CACNA2D1: variants seen among roughly 807,000 people sequenced by gnomAD.
The protein encoded by CACNA2D1 is voltage-dependent calcium channel subunit alpha-2/delta-1.
CACNA2D1 carries 53 observed loss-of-function variants against 171.5 expected under a neutral mutation model. The ratio of observed to expected loss-of-function variants is 0.31; its 90% CI spans 0.25 to 0.39. CACNA2D1 has a LOEUF of 0.39. Ranked by LOEUF, CACNA2D1 falls within the 10% of genes least tolerant of loss-of-function variation. The probability of loss-of-function intolerance (pLI) is 1.00; values close to 1 mark genes in which losing one functional copy is unlikely to be tolerated. For missense variants in CACNA2D1, 903 were observed against 1,299.8 expected (o/e 0.69, Z 4.69); for synonymous variants, 442 against 443.1 (o/e 1.00, Z 0.03).
At chr7:82,038,600 T>G (rs968709946) in intron 10 of CACNA2D1, among the ~76,000 whole-genome samples, 5 of 152,224 alleles carry the variant, frequency 3.3e-5, no homozygotes, top group African/African-American at 1.2e-4. Context: ...ATGCTTGCCC[T>G]GGTTGTGTGG....
At chr7:82,399,748 C>A (rs538341597) in intron 1 of CACNA2D1, among the ~76,000 whole-genome samples, 2 of 126,142 alleles carry the variant, frequency 1.6e-5, no homozygotes, top group South Asian at 5.6e-4. Context: ...AATTTTATAC[C>A]TTCCATCCCA....
chr7:82,162,780 C>G (rs1484305556), intron 4 of CACNA2D1, among the ~76,000 whole-genome samples: 1 of 151,960 alleles, frequency 6.6e-6, no homozygotes. Flanking sequence ...AATATTATCT[C>G]TCCATTGAAA....
At position 82,124,072 on chromosome 7, in the gene CACNA2D1, T is replaced by A. The variant is rs183405200; in HGVS notation, c.397-6899A>T. Among the ~76,000 whole-genome samples the A allele has an allele frequency of 1.2e-3, 177 of 152,256 alleles. 1 individual carries two copies. Among genetic ancestry groups the A allele is most frequent in the Non-Finnish European group, 1.9e-3 (130 of 68,012 alleles). ...AATTATGGATACAAAGCAATTAATA[T>A]TCTACCTGTATGCCATCCTATTCAA... On this transcript the variant is annotated intron_variant, in intron 5 of 38. Coordinates refer to ENST00000356860, the MANE Select transcript of CACNA2D1 (RefSeq NM_000722.4).
chr7:82,080,044 A>AAT (rs1809532617), intron 7 of CACNA2D1, among the ~76,000 whole-genome samples: 1 of 67,604 alleles, frequency 1.5e-5, no homozygotes, highest in South Asian at 4.8e-4. Context: ...TGGGGTTAAA[A>AAT]ATATATATGT....
chr7:81,961,238 C>A (rs918608946), intron 36 of CACNA2D1, among the ~76,000 whole-genome samples: 1 of 151,928 alleles, frequency 6.6e-6, no homozygotes, highest in Non-Finnish European at 1.5e-5. Context: ...ACTTTCCCCT[C>A]AAAATCCCCA....
At chr7:82,233,112 G>GGGTTAATTA (rs1039374611) in intron 3 of CACNA2D1, among the ~76,000 whole-genome samples, 74 of 152,086 alleles carry the variant, frequency 4.9e-4, no homozygotes, top group African/African-American at 1.4e-3. Flanking sequence ...TTCTGACTTT[G>GGGTTAATTA]GGTTAATTAT....
intron 24 of CACNA2D1, among the ~76,000 whole-genome samples, chr7:81,976,620 T>C (rs1795875243): frequency 6.6e-6 from 1 of 152,196 alleles, no homozygotes; most frequent in East Asian, 1.9e-4. Context: ...TTTGGGAGGC[T>C]GAGGCAGGCA....
intron 5 of CACNA2D1, among the ~76,000 whole-genome samples, chr7:82,123,192 A>T (rs1465585065): frequency 6.6e-6 from 1 of 152,204 alleles, no homozygotes; most frequent in Non-Finnish European, 1.5e-5. Flanking sequence ...CTTAGAAGAC[A>T]CTGAGTCTAG....
intron 3 of CACNA2D1, among the ~76,000 whole-genome samples, chr7:82,220,612 A>C (rs1801636705): frequency 6.6e-6 from 1 of 152,268 alleles, no homozygotes; most frequent in African/African-American, 2.4e-5. Context: ...TATGAGTAAT[A>C]ATATATTTTA....
rs184770416 is a variant in CACNA2D1, at chr7:82,399,310, G to A, written c.95+44055C>T. On this transcript the variant is annotated intron_variant, in intron 1 of 38. Coordinates refer to ENST00000356860, the MANE Select transcript of CACNA2D1 (RefSeq NM_000722.4). The stretch of plus-strand genomic sequence containing the variant: ...CGAAAATTAGCCAGGCGTGGTGGGG[G>A]ATGACTGTAATCCCAGCTACTCGAG... Among the ~76,000 whole-genome samples, 215 of 152,022 alleles carry A rather than the reference G, an allele frequency of 1.4e-3. 2 individuals carry two copies. The highest frequency in any genetic ancestry group is 4.2e-3 in the African/African-American group (176 of 41,486).
Position 82,149,412 on chromosome 7 carries a change from C to G in CACNA2D1, c.355-12736G>C, listed in dbSNP as rs571302271. ...AGAGTAGAGAAGTGAGACACCAAGG[C>G]ACACAAGCTGTGGTCAAGAGCAGGT... On this transcript the variant is annotated intron_variant, in intron 4 of 38. Transcript: ENST00000356860. Among the ~76,000 whole-genome samples the G allele has an allele frequency of 6.6e-5, 10 of 152,192 alleles. No homozygotes were observed. The East Asian group carries it at 1.9e-3, about 30-fold the overall frequency.
intron 3 of CACNA2D1, among the ~76,000 whole-genome samples, chr7:82,216,711 C>T (rs376918086): frequency 4.0e-4 from 61 of 151,988 alleles, no homozygotes; most frequent in African/African-American, 1.2e-3. Context: ...AAGACCAAGA[C>T]GCCTAGCAAA....
intron 9 of CACNA2D1, among the ~76,000 whole-genome samples, chr7:82,061,833 G>C (rs1483513805): frequency 6.6e-6 from 1 of 152,140 alleles, no homozygotes; most frequent in Non-Finnish European, 1.5e-5. Context: ...GCCCTCTTGT[G>C]CTGAGCCCAC....
chr7:82,306,936 C>A (rs1323555384), intron 3 of CACNA2D1, among the ~76,000 whole-genome samples: 3 of 150,118 alleles, frequency 2.0e-5, no homozygotes, highest in Non-Finnish European at 4.4e-5. Context: ...AAAAGGCAGA[C>A]AACTGATTTA....
chr7:82,186,189 AAGGGAGGG>A lies in CACNA2D1; in HGVS notation c.295-15588_295-15581del, dbSNP rs539998713. On this transcript the variant is annotated intron_variant, in intron 3 of 38. Transcript: ENST00000356860. ...AAAAAAGAGAGAGAAGGAAGGAAGG[AAGGGAGGG>A]AGGGAGGGAGGGAGGGAGGGAAAGA... Among the ~76,000 whole-genome samples, 210 of 102,432 alleles carry A rather than the reference AAGGGAGGG, an allele frequency of 2.1e-3. 1 individual carries two copies. The highest frequency in any genetic ancestry group is 6.0e-3 in the Middle Eastern group (1 of 166). 67.2% of individuals were successfully genotyped at this position (102,432 alleles called of 152,430 possible). A position where few individuals can be genotyped will look rare whatever the true frequency, so the allele number is the denominator to read the frequency against.
At chr7:81,955,995 T>A (rs889565244) in intron 38 of CACNA2D1, among the ~76,000 whole-genome samples, 1 of 133,208 alleles carries the variant, frequency 7.5e-6, no homozygotes, top group African/African-American at 2.7e-5. Flanking sequence ...TTTTTTTTTT[T>A]TTTTTTTTTG....
chr7:82,173,005 T>C (rs1324417214), intron 3 of CACNA2D1, among the ~76,000 whole-genome samples: 1 of 152,048 alleles, frequency 6.6e-6, no homozygotes, highest in Non-Finnish European at 1.5e-5. Flanking sequence ...AACACACTAG[T>C]GAGCATTCAC....
intron 8 of CACNA2D1, among the ~76,000 whole-genome samples, chr7:82,065,251 C>A (rs112307697): frequency 0.022 from 3,320 of 152,260 alleles, 52 homozygotes; most frequent in Middle Eastern, 0.051. Context: ...GAGTTTGTAA[C>A]CTGCACCCTT....
intron 7 of CACNA2D1, 112 bp from the exon 8 acceptor site, chr7:82,066,636 C>T (rs753790173): frequency 3.8e-5 from 53 of 1,411,910 alleles, no homozygotes; most frequent in Non-Finnish European, 5.0e-5. Flanking sequence ...CACTTACGTA[C>T]TTCAATGTTC....
Sources: gnomAD v4.1 joint callset for allele counts (sites outside exome capture counted in the v4.1 genomes callset) on GRCh38, gnomAD v4.1.1 for gene constraint, MANE v1.5 for transcripts, NCBI Gene and HGNC (gene_info 2026-07-23, HGNC 2026-07-21) for gene names.